The following FGGY variants were observed in gnomAD, a reference collection of about 807,000 sequenced individuals.
The protein encoded by FGGY is FGGY carbohydrate kinase domain containing.
FGGY carries 72 observed loss-of-function variants against 71.3 expected under a neutral mutation model. That is an observed-to-expected ratio of 1.01 (90% CI 0.84 to 1.23). The LOEUF is 1.23. Ranked by LOEUF, FGGY falls within the 50% of genes most tolerant of loss-of-function variation. FGGY has a pLI of 0.00. For synonymous variants in FGGY, 251 were observed against 250.3 expected, an observed-to-expected ratio of 1.00 and a Z score of -0.02; for missense variants, 668 against 682.3, an observed-to-expected ratio of 0.98 and a Z score of 0.23.
At chr1:59,697,277 T>G (rs1239075496) in intron 14 of FGGY, among the ~76,000 whole-genome samples, 1 of 152,190 alleles carries the variant, frequency 6.6e-6, no homozygotes, top group Non-Finnish European at 1.5e-5. Flanking sequence ...TGTGCAACCA[T>G]CACCACCATC....
intron 8 of FGGY, among the ~76,000 whole-genome samples, chr1:59,602,504 A>T (rs968537862): frequency 5.3e-5 from 8 of 152,160 alleles, no homozygotes; most frequent in African/African-American, 1.9e-4. Context: ...TTAAAATTGG[A>T]TTTTTGAGAA....
chr1:59,607,706 G>C, intron 8 of FGGY, 97 bp from the exon 9 acceptor site: 1 of 893,980 alleles, frequency 1.1e-6, no homozygotes, highest in Non-Finnish European at 1.7e-6. Flanking sequence ...CATTCAATAA[G>C]AAGCTGAATT....
chr1:59,306,305 T>C (rs1204069276), intron 1 of FGGY, among the ~76,000 whole-genome samples: 1 of 152,160 alleles, frequency 6.6e-6, no homozygotes, highest in Admixed American at 6.5e-5. Context: ...AGGGGAACTT[T>C]TACCACTTCA....
chr1:59,748,922 A>T (rs575251415), intron 14 of FGGY, among the ~76,000 whole-genome samples: 20 of 152,322 alleles, frequency 1.3e-4, no homozygotes, highest in African/African-American at 4.3e-4. Context: ...TTGAACTTTC[A>T]GCCCCTCCCC....
Position 59,471,042 on chromosome 1 carries a change from C to T in FGGY, c.670+13966C>T, listed in dbSNP as rs74835756. Among the ~76,000 whole-genome samples, 571 of 152,308 alleles carry T rather than the reference C, an allele frequency of 3.7e-3. 3 individuals are homozygous for T. The highest frequency in any genetic ancestry group is 0.012 in the African/African-American group (509 of 41,558). On this transcript the variant is annotated intron_variant, in intron 6 of 15. Transcript: ENST00000303721. The stretch of plus-strand genomic sequence containing the variant: ...TGGGGCCCATCACACCATTACCTCC[C>T]CTCTCCTGAGGGAGGCTTATATGGT...
chr1:59,504,471 A>G (rs1040571162), intron 6 of FGGY, among the ~76,000 whole-genome samples: 1 of 152,160 alleles, frequency 6.6e-6, no homozygotes, highest in South Asian at 2.1e-4. Flanking sequence ...TGCAATCTCC[A>G]AGTAGATAAT....
At chr1:59,306,572 G>A (rs952746246) in intron 1 of FGGY, among the ~76,000 whole-genome samples, 9 of 152,154 alleles carry the variant, frequency 5.9e-5, no homozygotes, top group Admixed American at 2.0e-4. Flanking sequence ...AGAAGCAGCT[G>A]GCCCAGGCCA....
At chr1:59,516,816 C>T (rs2094666812) in intron 7 of FGGY, among the ~76,000 whole-genome samples, 1 of 152,174 alleles carries the variant, frequency 6.6e-6, no homozygotes, top group African/African-American at 2.4e-5. Context: ...GCATGGCCTG[C>T]TTGAAACCCC....
chr1:59,615,129 C>T (rs2096737072), intron 9 of FGGY, among the ~76,000 whole-genome samples: 1 of 152,140 alleles, frequency 6.6e-6, no homozygotes, highest in African/African-American at 2.4e-5. Context: ...TGACTTTCTT[C>T]ACAGAATTGG....
chr1:59,320,290 G>A (rs961115509), intron 1 of FGGY, among the ~76,000 whole-genome samples: 1 of 152,228 alleles, frequency 6.6e-6, no homozygotes, highest in Non-Finnish European at 1.5e-5. Flanking sequence ...CTAGGAAGCA[G>A]TAACTGAACA....
rs1488917247 is a variant in FGGY, at chr1:59,508,724, T to C, written c.671-3587T>C. ...GCTTGGAGTCCAGATAGCCTATTCC[T>C]GAAGGCTGTGGTTCCAAATGAAAGA... On this transcript the variant is annotated intron_variant, in intron 6 of 15. Coordinates refer to ENST00000303721, the MANE Select transcript of FGGY (RefSeq NM_018291.5). 2.0e-5 allele frequency among the ~76,000 whole-genome samples: 3 copies of C among 152,224 alleles called. No homozygotes were observed. The East Asian group carries it at 5.8e-4, about 29-fold the overall frequency.
At chr1:59,468,996 C>A (rs1041148591) in intron 6 of FGGY, among the ~76,000 whole-genome samples, 13 of 151,954 alleles carry the variant, frequency 8.6e-5, no homozygotes, top group African/African-American at 3.1e-4. Flanking sequence ...TTTGGTCACA[C>A]TGAATCAAAG....
intron 1 of FGGY, among the ~76,000 whole-genome samples, chr1:59,300,495 G>A (rs1384970407): frequency 6.6e-6 from 1 of 152,048 alleles, no homozygotes; most frequent in Non-Finnish European, 1.5e-5. Flanking sequence ...TTTATAATTT[G>A]GTTAAATAAA....
chr1:59,651,757 A>C (rs2097164020), intron 11 of FGGY, among the ~76,000 whole-genome samples: 1 of 150,042 alleles, frequency 6.7e-6, no homozygotes, highest in African/African-American at 2.5e-5. Context: ...TTTACATTTA[A>C]ACTTAATATT....
chr1:59,374,677 G>C (rs568116533), intron 4 of FGGY, among the ~76,000 whole-genome samples: 4 of 151,968 alleles, frequency 2.6e-5, no homozygotes, highest in Non-Finnish European at 5.9e-5. Flanking sequence ...ATGATAGACT[G>C]GATTAAGAAA....
At chr1:59,511,023 C>T (rs1052195503) in intron 6 of FGGY, among the ~76,000 whole-genome samples, 3 of 152,178 alleles carry the variant, frequency 2.0e-5, no homozygotes, top group Non-Finnish European at 4.4e-5. Context: ...ACTTCAAGTG[C>T]TCAGCCCACA....
At chr1:59,697,756 G>A (rs1237239906) in intron 14 of FGGY, 1 of 1,265,666 alleles carries the variant, frequency 7.9e-7, no homozygotes, top group Non-Finnish European at 1.0e-6. Context: ...TGACACAAGA[G>A]GTAAACAGAA....
At chr1:59,357,205 C>T (rs1436673121) in intron 4 of FGGY, among the ~76,000 whole-genome samples, 4 of 152,128 alleles carry the variant, frequency 2.6e-5, no homozygotes, top group Admixed American at 1.3e-4. Context: ...CCTGTATTTG[C>T]ATATTTGATT....
Position 59,428,851 on chromosome 1 carries a change from G to C in FGGY, c.555-28110G>C, listed in dbSNP as rs1316274089. ...CTGAGTGGACCACATGGCAGCATTA[G>C]AGGTGCTTTTGAATACGAAAGGTGG... On this transcript the variant is annotated intron_variant, in intron 5 of 15. Transcript: ENST00000303721. 3.9e-5 allele frequency among the ~76,000 whole-genome samples: 6 copies of C among 152,220 alleles called. No individual in the cohort carries two copies. In the East Asian group the frequency reaches 1.2e-3, roughly 29 times the overall value.
Sources: allele counts gnomAD v4.1 joint callset (sites outside exome capture counted in the v4.1 genomes callset), GRCh38; gene constraint gnomAD v4.1.1; transcripts MANE v1.5; gene names NCBI Gene and HGNC (gene_info 2026-07-23, HGNC 2026-07-21).